The following NCKAP1 variants were observed in gnomAD, a reference collection of about 807,000 sequenced individuals.
NCKAP1 encodes NCK associated protein 1.
Under a neutral mutation model 151.2 loss-of-function variants are expected in NCKAP1, and 21 were observed. That is an observed-to-expected ratio of 0.14 (90% CI 0.10 to 0.20). The LOEUF (loss-of-function observed/expected upper bound fraction) is 0.20. Among genes scored for constraint, NCKAP1 ranks in the 10% least tolerant of loss-of-function variants. The pLI, the probability that NCKAP1 is intolerant of heterozygous loss-of-function variation, is 1.00. For missense variants in NCKAP1, 933 were observed against 1,352.1 expected, an observed-to-expected ratio of 0.69 and a Z score of 4.86; for synonymous variants, 484 against 451.8, an observed-to-expected ratio of 1.07 and a Z score of -0.90.
At chr2:183,024,144 G>A (rs1698845425) in intron 1 of NCKAP1, among the ~76,000 whole-genome samples, 2 of 151,734 alleles carry the variant, frequency 1.3e-5, no homozygotes, top group Admixed American at 6.6e-5. Flanking sequence ...AGCAGTTAGC[G>A]CAGAACAGCA....
rs576493884 is a variant in NCKAP1 at position 182,991,673 on chromosome 2, A to T, written c.791-2487T>A. Among the ~76,000 whole-genome samples the T allele has an allele frequency of 1.1e-4, 16 of 152,082 alleles. No individual in the cohort carries two copies. In the East Asian group the frequency reaches 2.5e-3, roughly 24 times the overall value. On this transcript the variant is annotated intron_variant, in intron 8 of 30. Coordinates refer to ENST00000361354, the MANE Select transcript of NCKAP1 (RefSeq NM_013436.5). ...AGGATGAAAGGACAAAAAAAAAAAA[A>T]TTTAAAAGTAGCTCTTAAAACAGAA...
chr2:182,997,728 C>A (rs1280296712), intron 6 of NCKAP1, among the ~76,000 whole-genome samples: 2 of 152,088 alleles, frequency 1.3e-5, no homozygotes, highest in Non-Finnish European at 2.9e-5. Flanking sequence ...CAGAAAAAGC[C>A]AGAGGCCACA....
At position 182,914,999 on chromosome 2, in the gene NCKAP1, G is replaced by C. The variant is rs1454724971; in HGVS notation, c.*10703C>G. On this transcript the variant is annotated 3_prime_UTR_variant, in exon 31 of 31. Coordinates refer to ENST00000361354, the MANE Select transcript of NCKAP1 (RefSeq NM_013436.5). ...GGGAATGCAGCCATACCGGGTGTCA[G>C]AGCATGTTGTGAGCACCTCTACCTG... The C allele has an allele frequency of 1.3e-5, 2 of 152,204 alleles. No individual in the cohort carries two copies. The highest frequency in any genetic ancestry group is 2.9e-5 in the Non-Finnish European group (2 of 68,038). The allele number at this position is 152,204 out of a possible 1,614,324, so 9.4% of individuals were successfully genotyped here.
At chr2:182,935,745 C>T (rs1417136662) in intron 24 of NCKAP1, among the ~76,000 whole-genome samples, 1 of 151,084 alleles carries the variant, frequency 6.6e-6, no homozygotes, top group Non-Finnish European at 1.5e-5. Flanking sequence ...GGAAGCGAGA[C>T]TAGATGAGAA....
chr2:183,007,808 C>A (rs1376614273), intron 2 of NCKAP1, among the ~76,000 whole-genome samples: 1 of 152,208 alleles, frequency 6.6e-6, no homozygotes, highest in East Asian at 1.9e-4. Flanking sequence ...CCAGCTACCA[C>A]CCTAGTCATC....
intron 20 of NCKAP1, among the ~76,000 whole-genome samples, chr2:182,955,876 G>A (rs1184814788): frequency 6.6e-6 from 1 of 151,984 alleles, no homozygotes; most frequent in Non-Finnish European, 1.5e-5. Flanking sequence ...GTTGCCACCT[G>A]CAAGATGAAA....
chr2:183,011,163 A>G (rs1698583847), intron 2 of NCKAP1, among the ~76,000 whole-genome samples: 1 of 152,198 alleles, frequency 6.6e-6, no homozygotes. Context: ...GTTAGAAAAT[A>G]TACTTGTTAC....
intron 15 of NCKAP1, among the ~76,000 whole-genome samples, chr2:182,968,011 G>C (rs1697609751): frequency 1.3e-5 from 2 of 152,178 alleles, no homozygotes; most frequent in Admixed American, 1.3e-4. Context: ...GAATAGAAGG[G>C]ATGCCTACAG....
chr2:182,926,143 T>C (rs1210057719), intron 30 of NCKAP1, among the ~76,000 whole-genome samples: 1 of 151,956 alleles, frequency 6.6e-6, no homozygotes, highest in Non-Finnish European at 1.5e-5. Flanking sequence ...TTTTTTGTAC[T>C]ATCAACTCTA....
At chr2:182,964,585 G>A (rs1449087488) in intron 17 of NCKAP1, 91 bp downstream of exon 17, 2 of 1,132,070 alleles carry the variant, frequency 1.8e-6, no homozygotes, top group Non-Finnish European at 2.4e-6. Context: ...AGCTAAGTTA[G>A]CTAATTATGA....
At chr2:182,951,613 G>C (rs1300178452) in intron 23 of NCKAP1, among the ~76,000 whole-genome samples, 6 of 136,860 alleles carry the variant, frequency 4.4e-5, no homozygotes, top group Non-Finnish European at 9.2e-5. Context: ...CTGCAGCCTG[G>C]GCAACACAGT....
At chr2:182,984,423 GGTGTGTGTGT>G (rs4018678) in intron 10 of NCKAP1, among the ~76,000 whole-genome samples, 1 of 144,282 alleles carries the variant, frequency 6.9e-6, no homozygotes, top group Admixed American at 6.9e-5. Flanking sequence ...TTTAGATTGG[GGTGTGTGTGT>G]GTGTGTGTGT....
rs896511292 is a variant in NCKAP1 at position 182,953,327 on chromosome 2, T to C, written c.2158A>G (p.Ile720Val). Residue 720 changes from isoleucine to valine, a missense_variant, in exon 21 of 31, where the codon ATT (isoleucine) becomes GTT (valine). Around this residue, in one of 2 missense-constraint regions of NCKAP1, gnomAD observed 326 missense variants for 557.1 expected, o/e 0.59. Transcript: ENST00000361354. ...TGATTATACATAGTCATCCCAACAA[T>C]TGACCTGGGAAGAAGGGATAGAAGA... is the stretch of plus-strand genomic sequence containing the variant. Reference protein sequence around the residue: ...SHLEIRFTKSIVGMTMYNQAT... With the variant: ...SHLEIRFTKSVVGMTMYNQAT... 10 of 1,608,836 alleles carry C rather than the reference T, an allele frequency of 6.2e-6. No homozygotes were observed. Among genetic ancestry groups the C allele is most frequent in the East Asian group, 2.2e-5 (1 of 44,766 alleles).
Position 183,038,315 on chromosome 2 carries a change from C to T in NCKAP1, c.-216G>A, listed in dbSNP as rs890279253. 2.9e-6 allele frequency: 1 copy of T among 342,060 alleles called. No homozygotes were observed. Among genetic ancestry groups the T allele is most frequent in the South Asian group, 9.5e-5 (1 of 10,566 alleles). The allele number at this position is 342,060 out of a possible 1,614,324, so 21.2% of individuals were successfully genotyped here. On this transcript the variant is annotated 5_prime_UTR_variant, in exon 1 of 31. Coordinates refer to ENST00000361354, the MANE Select transcript of NCKAP1 (RefSeq NM_013436.5). ...CCTTCTCCCGCAGCAGCCCGCGCCCCGGCAGCCTCCTGCCTTCCGCCCGCC... is the reference window on the plus strand; with the variant it reads ...CCTTCTCCCGCAGCAGCCCGCGCCCTGGCAGCCTCCTGCCTTCCGCCCGCC...
At chr2:182,935,397 G>A (rs1301346954) in intron 24 of NCKAP1, 22 bp from the exon 25 acceptor site, 1 of 1,435,610 alleles carries the variant, frequency 7.0e-7, no homozygotes, top group Non-Finnish European at 9.4e-7. Context: ...GAAACAGAAG[G>A]AGAAGAGAAT....
chr2:182,928,347 A>G, intron 28 of NCKAP1, 121 bp from the exon 29 acceptor site: 1 of 653,820 alleles, frequency 1.5e-6, no homozygotes, highest in East Asian at 2.8e-5. Flanking sequence ...GAGTTGGGAC[A>G]TGACCGGACT....
Position 183,033,800 on chromosome 2 carries a change from CCT to C in NCKAP1, c.108+4190_108+4191del, listed in dbSNP as rs1699050778. Reference sequence around the variant, plus strand: ...CATTTCAAACTGGCACATATACAACCCTACTTACAAACTAACAATTCAGTAGC... The same window carrying C: ...CATTTCAAACTGGCACATATACAACCACTTACAAACTAACAATTCAGTAGC... On this transcript the variant is annotated intron_variant, in intron 1 of 30. Coordinates refer to ENST00000361354, the MANE Select transcript of NCKAP1 (RefSeq NM_013436.5). Among the ~76,000 whole-genome samples the C allele has an allele frequency of 8.5e-5, 13 of 152,220 alleles. 1 individual carries two copies. In the South Asian group the frequency reaches 2.7e-3, roughly 32 times the overall value.
chr2:183,019,969 C>T (rs1304601797), intron 2 of NCKAP1, among the ~76,000 whole-genome samples: 6 of 152,092 alleles, frequency 3.9e-5, no homozygotes, highest in Admixed American at 1.3e-4. Context: ...TGCTACCTGT[C>T]AGCAGTGCCT....
At chr2:182,933,782 C>T (rs1037167383) in intron 26 of NCKAP1, among the ~76,000 whole-genome samples, 2 of 151,968 alleles carry the variant, frequency 1.3e-5, no homozygotes, top group African/African-American at 2.4e-5. Context: ...TTTTTTCAGT[C>T]GGTGTTTTTC....
Sources: allele counts gnomAD v4.1 joint callset (sites outside exome capture counted in the v4.1 genomes callset), GRCh38; gene constraint gnomAD v4.1.1; regional missense constraint gnomAD v4.1.1; transcripts MANE v1.5; gene names NCBI Gene and HGNC (gene_info 2026-07-23, HGNC 2026-07-21).